Variants in CSPP1 observed in about 807,000 individuals in gnomAD.
CSPP1 encodes the protein centrosome and spindle pole associated protein 1, also known as centrosome and spindle pole-associated protein 1.
CSPP1 carries 126 observed loss-of-function variants against 164.4 expected under a neutral mutation model. The observed-to-expected ratio is 0.77, with a 90% CI of 0.66 to 0.89. The LOEUF (loss-of-function observed/expected upper bound fraction) is 0.89. Ranked by LOEUF, CSPP1 falls within the 40% of genes least tolerant of loss-of-function variation. The pLI is 0.00. For synonymous variants in CSPP1, 472 were observed against 476.7 expected (o/e 0.99, Z 0.13); for missense variants, 1,395 against 1,449.8 (o/e 0.96, Z 0.61).
rs762241467 is a variant in CSPP1 at position 67,193,481 on chromosome 8, T to C, written c.3348T>C (p.Asn1116=). The change falls in exon 30 of 31, where the codon AAT becomes AAC. Residue 1116 remains asparagine, a synonymous_variant. Transcript: ENST00000678616. ...KGLDIDSSRP[N]VAPDGLSLKS... is the part of the protein sequence containing the mutation. ...AACTACAGGATAGCAGTCGTCCTAATGTAGCACCAGATGGTCTCTCTCTAA... is the reference window on the plus strand; with the variant it reads ...AACTACAGGATAGCAGTCGTCCTAACGTAGCACCAGATGGTCTCTCTCTAA... 2 of 1,613,532 alleles carry C rather than the reference T, an allele frequency of 1.2e-6. No individual in the cohort carries two copies. The highest frequency in any genetic ancestry group is 1.7e-5 in the Admixed American group (1 of 60,020).
At chr8:67,171,797 C>T (rs1299092418) in intron 24 of CSPP1, among the ~76,000 whole-genome samples, 1 of 151,994 alleles carries the variant, frequency 6.6e-6, no homozygotes, top group African/African-American at 2.4e-5. Context: ...ATTTGCCTGC[C>T]TTGGCCTCCC....
intron 18 of CSPP1, 54 bp from the exon 19 acceptor site, chr8:67,153,970 T>G (rs1826194292): frequency 2.5e-6 from 2 of 797,566 alleles, no homozygotes; most frequent in Non-Finnish European, 2.2e-6. Context: ...CTTTAACTGT[T>G]AAATTTTCTA....
intron 3 of CSPP1, among the ~76,000 whole-genome samples, chr8:67,085,498 T>TTTC (rs1810202235): frequency 1.3e-5 from 2 of 152,100 alleles, no homozygotes; most frequent in African/African-American, 4.8e-5. Flanking sequence ...TTTCCTAGAC[T>TTTC]GAAAATGATG....
chr8:67,161,841 G>T lies in CSPP1; in HGVS notation c.2569G>T (p.Ala857Ser). Residue 857 changes from alanine (A) to serine (S), a missense_variant, in exon 22 of 31, where the codon GCT becomes TCT. Transcript: ENST00000678616. ...HMRQPSPIVP[A>S]LQNKIASKLQ... Reference sequence around the variant, plus strand: ...GAGACAGCCTTCTCCTATAGTTCCTGCTCTTCAGAACAAAATTGCAAGCAA... The same window carrying T: ...GAGACAGCCTTCTCCTATAGTTCCTTCTCTTCAGAACAAAATTGCAAGCAA... 6.2e-7 allele frequency: 1 copy of T among 1,613,376 alleles called. No individual in the cohort carries two copies. Among genetic ancestry groups the T allele is most frequent in the African/African-American group, 1.3e-5 (1 of 74,982 alleles).
chr8:67,069,094 T>A (rs1806177633), intron 1 of CSPP1: 1 of 152,226 alleles, frequency 6.6e-6, no homozygotes, highest in Non-Finnish European at 1.5e-5. Context: ...TCCAATACCC[T>A]CTTACCACGA....
chr8:67,085,119 C>T (rs1245894623), intron 3 of CSPP1, among the ~76,000 whole-genome samples: 1 of 152,002 alleles, frequency 6.6e-6, no homozygotes, highest in Non-Finnish European at 1.5e-5. Context: ...AAATTAACAT[C>T]CATTTACAGA....
intron 8 of CSPP1, among the ~76,000 whole-genome samples, chr8:67,104,021 C>CT (rs1814784125): frequency 1.3e-5 from 2 of 151,986 alleles, no homozygotes; most frequent in African/African-American, 4.8e-5. Flanking sequence ...TTTATGTTCT[C>CT]TTTCTACTTA....
intron 27 of CSPP1, 148 bp from the exon 28 acceptor site, chr8:67,179,715 T>A (rs373418478): frequency 4.3e-5 from 25 of 577,450 alleles, no homozygotes; most frequent in East Asian, 2.0e-4. Context: ...CAGTATTTTC[T>A]GAGCATTGGA....
At chr8:67,112,930 T>A (rs1817164614) in intron 10 of CSPP1, among the ~76,000 whole-genome samples, 1 of 151,812 alleles carries the variant, frequency 6.6e-6, no homozygotes, top group African/African-American at 2.4e-5. Flanking sequence ...AGGAATAGAG[T>A]TTAAAATTAG....
At chr8:67,165,580 T>C (rs1829162969) in intron 24 of CSPP1, among the ~76,000 whole-genome samples, 1 of 152,204 alleles carries the variant, frequency 6.6e-6, no homozygotes, top group Non-Finnish European at 1.5e-5. Context: ...TGTGAAAGTC[T>C]AGATGGGCAC....
At chr8:67,066,338 C>T (rs908454905) in intron 1 of CSPP1, among the ~76,000 whole-genome samples, 3 of 152,102 alleles carry the variant, frequency 2.0e-5, no homozygotes, top group African/African-American at 7.2e-5. Context: ...ACCTTTCATT[C>T]GGTAGATGGA....
At chr8:67,160,507 A>G (rs1034762272) in intron 21 of CSPP1, among the ~76,000 whole-genome samples, 14 of 151,554 alleles carry the variant, frequency 9.2e-5, no homozygotes, top group Non-Finnish European at 2.1e-4. Context: ...TTAGTTTCCC[A>G]TAATTATATT....
At chr8:67,114,427 A>G (rs965496180) in intron 12 of CSPP1, 57 bp downstream of exon 12, 1 of 152,544 alleles carries the variant, frequency 6.6e-6, no homozygotes, top group African/African-American at 2.4e-5. Context: ...TGTAATATTT[A>G]TTTCTAATAC....
intron 9 of CSPP1, among the ~76,000 whole-genome samples, 194 bp from the exon 10 acceptor site, chr8:67,111,778 T>C (rs1816891778): frequency 6.6e-6 from 1 of 152,176 alleles, no homozygotes; most frequent in Non-Finnish European, 1.5e-5. Context: ...ATCTTGTGTT[T>C]GACGCATAGT....
intron 15 of CSPP1, among the ~76,000 whole-genome samples, chr8:67,131,462 T>C (rs746372584): frequency 6.6e-6 from 1 of 152,234 alleles, no homozygotes; most frequent in Non-Finnish European, 1.5e-5. Context: ...TTTTCTTTTA[T>C]GTTTCCTTGT....
chr8:67,105,655 A>G (rs1815344923), intron 8 of CSPP1, among the ~76,000 whole-genome samples: 1 of 152,192 alleles, frequency 6.6e-6, no homozygotes, highest in Non-Finnish European at 1.5e-5. Context: ...AAGTGCTGGA[A>G]TTACAGGTGT....
At chr8:67,115,495 C>A (rs762603618) in intron 12 of CSPP1, among the ~76,000 whole-genome samples, 2 of 152,080 alleles carry the variant, frequency 1.3e-5, no homozygotes, top group Non-Finnish European at 2.9e-5. Flanking sequence ...GCCTTGCCAA[C>A]GTGGCGAAAC....
chr8:67,084,275 C>A (rs1809920918), intron 3 of CSPP1: 1 of 152,282 alleles, frequency 6.6e-6, no homozygotes, highest in African/African-American at 2.4e-5. Flanking sequence ...CTGTTATACC[C>A]TCTATCATCA....
At chr8:67,067,108 A>G (rs901386746) in intron 1 of CSPP1, among the ~76,000 whole-genome samples, 1 of 152,176 alleles carries the variant, frequency 6.6e-6, no homozygotes, top group Non-Finnish European at 1.5e-5. Flanking sequence ...ATGCTTTAGG[A>G]GGGAAGTCAT....
Sources: gnomAD v4.1 joint callset for allele counts (sites outside exome capture counted in the v4.1 genomes callset) on GRCh38, gnomAD v4.1.1 for gene constraint, MANE v1.5 for transcripts, NCBI Gene and HGNC (gene_info 2026-07-23, HGNC 2026-07-21) for gene names.